The following ATL2 variants were observed in gnomAD, a reference collection of about 807,000 sequenced individuals.
ATL2 encodes the protein atlastin GTPase 2.
A neutral mutation model predicts 73.9 loss-of-function variants in ATL2; 31 were observed. The observed-to-expected ratio is 0.42, with a 90% CI of 0.32 to 0.57. The LOEUF (loss-of-function observed/expected upper bound fraction) is 0.57. ATL2 is among the 20% of genes least tolerant of loss of function. The probability of loss-of-function intolerance (pLI) is 0.14; values close to 1 mark genes in which losing one functional copy is unlikely to be tolerated. For missense variants in ATL2, 738 were observed against 702.6 expected (o/e 1.05, Z -0.57); for synonymous variants, 291 against 237.5 (o/e 1.23, Z -2.07).
At chr2:38,364,519 T>C (rs1472080746) in intron 1 of ATL2, among the ~76,000 whole-genome samples, 2 of 152,212 alleles carry the variant, frequency 1.3e-5, no homozygotes, top group Non-Finnish European at 2.9e-5. Flanking sequence ...TTAAACATCA[T>C]TCTCTGTGGC....
intron 2 of ATL2, among the ~76,000 whole-genome samples, chr2:38,340,728 C>T (rs1669667157): frequency 6.6e-6 from 1 of 152,168 alleles, no homozygotes; most frequent in African/African-American, 2.4e-5. Flanking sequence ...ATAGGAAAAG[C>T]ATGACCCACC....
At chr2:38,353,649 C>T (rs1558443122) in intron 1 of ATL2, among the ~76,000 whole-genome samples, 1 of 152,084 alleles carries the variant, frequency 6.6e-6, no homozygotes, top group Non-Finnish European at 1.5e-5. Flanking sequence ...CTGCTAAAAA[C>T]CAAAAACCAA....
At position 38,309,515 on chromosome 2, in the gene ATL2, C is replaced by G. The variant is rs771189954; in HGVS notation, c.944-9G>C. ...AAAGTCTTCATCAATATCTAGAAAA[C>G]AAAAAATTGAGCAACATATTAGTCC... On this transcript the variant is annotated splice_polypyrimidine_tract_variant and intron_variant, in intron 8 of 12. Transcript: ENST00000378954. The G allele has an allele frequency of 2.6e-5, 41 of 1,603,842 alleles. No homozygotes were observed. Among genetic ancestry groups the G allele is most frequent in the Non-Finnish European group, 3.2e-5 (38 of 1,177,820 alleles).
intron 12 of ATL2, 32 bp from the exon 13 acceptor site, chr2:38,296,145 A>G: frequency 6.6e-7 from 1 of 1,521,216 alleles, no homozygotes; most frequent in Non-Finnish European, 8.8e-7. Flanking sequence ...AAACAAACAA[A>G]AACATGAGGT....
chr2:38,343,940 T>C (rs1041095523), intron 1 of ATL2, among the ~76,000 whole-genome samples: 48 of 152,198 alleles, frequency 3.2e-4, no homozygotes, highest in African/African-American at 1.1e-3. Context: ...CCTTCCGCCA[T>C]GATTGTGAGA....
chr2:38,377,213 C>T lies in ATL2; in HGVS notation c.48G>A (p.Gly16=), dbSNP rs1672035332. The change falls in exon 1 of 13, where the codon GGG becomes GGA. Residue 16 remains glycine, a synonymous_variant. Transcript: ENST00000378954. ...EAARGQQPHQ[G]LWRRRRTSDP... Reference sequence around the variant, plus strand: ...CGCTGGTCCGTCGCCGGCGCCACAGCCCCTGGTGCGGTTGCTGCCCTCGCG... The same window carrying T: ...CGCTGGTCCGTCGCCGGCGCCACAGTCCCTGGTGCGGTTGCTGCCCTCGCG... The T allele has an allele frequency of 2.5e-6, 4 of 1,608,142 alleles. No homozygotes were observed. Among genetic ancestry groups the T allele is most frequent in the African/African-American group, 1.3e-5 (1 of 74,694 alleles).
intron 1 of ATL2, among the ~76,000 whole-genome samples, chr2:38,356,747 A>G (rs1670692332): frequency 6.6e-6 from 1 of 152,224 alleles, no homozygotes; most frequent in African/African-American, 2.4e-5. Context: ...ATTAAATAAA[A>G]CTGAAAATTA....
intron 2 of ATL2, among the ~76,000 whole-genome samples, chr2:38,339,834 G>A (rs545761626): frequency 2.6e-5 from 4 of 152,188 alleles, no homozygotes; most frequent in East Asian, 1.9e-4. Flanking sequence ...GGGATTACAG[G>A]TGCATGCCAC....
In ATL2 at chr2:38,309,314, A is replaced by T. The variant is rs1311928901; in HGVS notation, c.1071+65T>A. The T allele has an allele frequency of 5.4e-6, 8 of 1,469,008 alleles. No homozygotes were observed. In the South Asian group the frequency reaches 1.1e-4, roughly 20 times the overall value. 91.0% of individuals were successfully genotyped at this position (1,469,008 alleles called of 1,614,324 possible). A position where few individuals can be genotyped will look rare whatever the true frequency, so the allele number is the denominator to read the frequency against. ...AATAAAGACAAGAAATTTCTTATAC[A>T]TACAGATGAGTTTTAAGTCAACTAC... On this transcript the variant is annotated intron_variant, in intron 9 of 12. Coordinates refer to ENST00000378954, the MANE Select transcript of ATL2 (RefSeq NM_001135673.4).
intron 9 of ATL2, 30 bp from the exon 10 acceptor site, chr2:38,300,358 C>T (rs374336033): frequency 1.0e-5 from 16 of 1,539,694 alleles, no homozygotes; most frequent in East Asian, 4.5e-5. Flanking sequence ...GTTAGACTGA[C>T]GGATTATGCA....
At chr2:38,310,832 G>A (rs961085271) in intron 7 of ATL2, among the ~76,000 whole-genome samples, 2 of 151,650 alleles carry the variant, frequency 1.3e-5, no homozygotes, top group Non-Finnish European at 2.9e-5. Flanking sequence ...AGACAGGGTT[G>A]GTCAGGCTGA....
At chr2:38,309,845 T>A (rs937744796) in intron 8 of ATL2, among the ~76,000 whole-genome samples, 1 of 152,180 alleles carries the variant, frequency 6.6e-6, no homozygotes, top group Non-Finnish European at 1.5e-5. Flanking sequence ...TAAAATTGTA[T>A]TAAATTTTAC....
chr2:38,323,596 CCTATT>C (rs1243004092), intron 2 of ATL2, among the ~76,000 whole-genome samples: 6 of 152,006 alleles, frequency 3.9e-5, no homozygotes, highest in South Asian at 2.1e-4. Flanking sequence ...AGAAACCTTA[CCTATT>C]CTAAACAGTA....
At chr2:38,340,410 G>C (rs575937124) in intron 2 of ATL2, among the ~76,000 whole-genome samples, 1 of 150,748 alleles carries the variant, frequency 6.6e-6, no homozygotes, top group Non-Finnish European at 1.5e-5. Flanking sequence ...AATTAGAAGT[G>C]GGGGGGGCAG....
chr2:38,300,880 G>GA (rs60232727), intron 9 of ATL2, among the ~76,000 whole-genome samples: 8,111 of 103,176 alleles, frequency 0.079, 642 homozygotes, highest in African/African-American at 0.21. Context: ...GCTCAAGAAG[G>GA]AAAAAAAAAA....
rs1261055375 is a variant in ATL2 at position 38,343,131 on chromosome 2, GAGTGAGACCACTT to G, written c.363+124_363+136del. On this transcript the variant is annotated intron_variant, in intron 2 of 12. Coordinates refer to ENST00000378954, the MANE Select transcript of ATL2 (RefSeq NM_001135673.4). ...CCACTGCACTCCATCCTGGGTAACA[GAGTGAGACCACTT>G]AAATTAAAAAAAAAAAAAAAAAAAA... The G allele has an allele frequency of 3.6e-5, 28 of 783,490 alleles. 1 individual carries two copies. The highest frequency in any genetic ancestry group is 4.8e-5 in the Non-Finnish European group (28 of 585,462). The allele number at this position is 783,490 out of a possible 1,614,324, so 48.5% of individuals were successfully genotyped here.
intron 2 of ATL2, among the ~76,000 whole-genome samples, chr2:38,336,169 C>T (rs1226904534): frequency 6.6e-6 from 1 of 152,208 alleles, no homozygotes; most frequent in Non-Finnish European, 1.5e-5. Context: ...CATGAAATCT[C>T]AGACACTGTT....
intron 8 of ATL2, 122 bp downstream of exon 8, chr2:38,310,187 G>C: frequency 1.8e-6 from 2 of 1,131,416 alleles, no homozygotes. Flanking sequence ...ACCACAACAT[G>C]AACAATGCAT....
chr2:38,365,742 T>A (rs556659543), intron 1 of ATL2, among the ~76,000 whole-genome samples: 85 of 152,108 alleles, frequency 5.6e-4, no homozygotes, highest in African/African-American at 2.0e-3. Flanking sequence ...GAGGTTGTAG[T>A]GAGCAGAGAT....
Sources: allele counts gnomAD v4.1 joint callset (sites outside exome capture counted in the v4.1 genomes callset), GRCh38; gene constraint gnomAD v4.1.1; transcripts MANE v1.5; gene names NCBI Gene and HGNC (gene_info 2026-07-23, HGNC 2026-07-21).